The following GRM1 variants were observed in gnomAD, a reference collection of about 807,000 sequenced individuals.
GRM1 encodes the protein glutamate metabotropic receptor 1, also known as metabotropic glutamate receptor 1.
GRM1 carries 33 observed loss-of-function variants against 90.9 expected under a neutral mutation model. That is an observed-to-expected ratio of 0.36 (90% confidence interval 0.28 to 0.49). The LOEUF (loss-of-function observed/expected upper bound fraction) is 0.49. Among genes scored for constraint, GRM1 ranks in the 20% least tolerant of loss-of-function variants. The pLI is 0.99. For missense variants in GRM1, 1,190 were observed against 1,534.3 expected (o/e 0.78, Z 3.75); for synonymous variants, 700 against 613.2 (o/e 1.14, Z -2.09).
intron 7 of GRM1, among the ~76,000 whole-genome samples, chr6:146,415,801 G>A (rs1777761669): frequency 6.6e-6 from 1 of 152,124 alleles, no homozygotes; most frequent in South Asian, 2.1e-4. Context: ...TCTTAAGTTT[G>A]CTGAGAAATT....
intron 2 of GRM1, among the ~76,000 whole-genome samples, chr6:146,259,976 A>T (rs987386049): frequency 1.0e-4 from 15 of 145,832 alleles, no homozygotes; most frequent in South Asian, 6.5e-4. Flanking sequence ...ATATATATTT[A>T]TATATATATA....
rs562440523 is a variant in GRM1 at position 146,085,489 on chromosome 6, G to GTTC, written c.700+55273_700+55274insTCT. ...ATGACCAGCTGTTTTTAGATCACTCGTAAGTCTCTTTTCTTTAGGTGAATA... is the reference window on the plus strand; with the variant it reads ...ATGACCAGCTGTTTTTAGATCACTCGTTCTAAGTCTCTTTTCTTTAGGTGAATA... On this transcript the variant is annotated intron_variant, in intron 1 of 7. Coordinates refer to ENST00000282753, the MANE Select transcript of GRM1 (RefSeq NM_001278064.2). Among the ~76,000 whole-genome samples the GTTC allele has an allele frequency of 1.2e-4, 18 of 152,168 alleles. No homozygotes were observed. The South Asian group carries it at 3.3e-3, about 28-fold the overall frequency.
chr6:146,324,142 C>CT (rs1421259372), intron 3 of GRM1, among the ~76,000 whole-genome samples: 3 of 152,214 alleles, frequency 2.0e-5, no homozygotes, highest in Admixed American at 1.3e-4. Context: ...CTTTGCGGAG[C>CT]TGCGGTGGGC....
chr6:146,405,155 T>C (rs1408939043), intron 7 of GRM1, among the ~76,000 whole-genome samples: 4 of 152,190 alleles, frequency 2.6e-5, no homozygotes, highest in Non-Finnish European at 5.9e-5. Flanking sequence ...GAAAGTGCTA[T>C]AAAGTCATCC....
intron 1 of GRM1, among the ~76,000 whole-genome samples, chr6:146,075,504 G>A (rs1428989873): frequency 6.6e-6 from 1 of 152,212 alleles, no homozygotes; most frequent in East Asian, 1.9e-4. Context: ...GAGAACTGGA[G>A]TGGATTACAT....
chr6:146,180,175 T>C (rs944982853), intron 2 of GRM1, among the ~76,000 whole-genome samples: 3 of 132,248 alleles, frequency 2.3e-5, no homozygotes, highest in African/African-American at 7.5e-5. Context: ...AACAAAAAAC[T>C]CTTCTTAAAA....
intron 3 of GRM1, among the ~76,000 whole-genome samples, chr6:146,341,966 G>T (rs901303842): frequency 6.6e-6 from 1 of 152,168 alleles, no homozygotes; most frequent in Non-Finnish European, 1.5e-5. Flanking sequence ...AGAGTCTTAA[G>T]TTAACCTTTT....
intron 2 of GRM1, among the ~76,000 whole-genome samples, chr6:146,300,946 C>T (rs1386692346): frequency 6.6e-6 from 1 of 152,182 alleles, no homozygotes; most frequent in Admixed American, 6.5e-5. Flanking sequence ...TGCAACGAAA[C>T]AGCAAAAATC....
At chr6:146,070,364 C>G (rs78235360) in intron 1 of GRM1, among the ~76,000 whole-genome samples, 3 of 152,124 alleles carry the variant, frequency 2.0e-5, no homozygotes, top group Non-Finnish European at 4.4e-5. Flanking sequence ...ATACTTAGGA[C>G]AGTCTTATGG....
intron 2 of GRM1, among the ~76,000 whole-genome samples, chr6:146,192,091 C>A (rs1778951880): frequency 6.6e-6 from 1 of 152,160 alleles, no homozygotes; most frequent in South Asian, 2.1e-4. Context: ...TCAGTGTAAA[C>A]AAATTTTATT....
At chr6:146,403,734 T>C (rs1029691285) in intron 7 of GRM1, among the ~76,000 whole-genome samples, 5 of 152,138 alleles carry the variant, frequency 3.3e-5, no homozygotes, top group African/African-American at 1.2e-4. Context: ...TTTACAGATA[T>C]CATGGCCAAA....
intron 2 of GRM1, among the ~76,000 whole-genome samples, chr6:146,232,875 G>T (rs1780495714): frequency 6.6e-6 from 1 of 151,896 alleles, no homozygotes; most frequent in Admixed American, 6.6e-5. Flanking sequence ...CAAGGAATTT[G>T]TCTACTTCAT....
At chr6:146,364,267 G>A (rs773885460) in intron 5 of GRM1, among the ~76,000 whole-genome samples, 7 of 152,164 alleles carry the variant, frequency 4.6e-5, no homozygotes, top group Non-Finnish European at 8.8e-5. Flanking sequence ...CAGTGCATGT[G>A]CTTCAAAATT....
chr6:146,236,092 G>A (rs1251750828), intron 2 of GRM1, among the ~76,000 whole-genome samples: 1 of 152,114 alleles, frequency 6.6e-6, no homozygotes, highest in East Asian at 1.9e-4. Context: ...GTTTGGAGTT[G>A]GACAGAATAT....
rs569841372 is a variant in GRM1, at chr6:146,029,452, C to T, written c.-66C>T. On this transcript the variant is annotated 5_prime_UTR_variant, in exon 1 of 8. Transcript: ENST00000282753. ...CGCTGGGCGTCTTGGGGGTGCGCGC[C>T]GGGAGCCTGCAGCGGGACCAGCGTG... The T allele has an allele frequency of 3.3e-5, 43 of 1,304,772 alleles. No homozygotes were observed. The highest frequency in any genetic ancestry group is 4.7e-5 in the South Asian group (4 of 84,664). The allele number at this position is 1,304,772 out of a possible 1,614,324, so 80.8% of individuals were successfully genotyped here.
chr6:146,380,376 C>T (rs1343578795), intron 5 of GRM1, among the ~76,000 whole-genome samples: 2 of 135,408 alleles, frequency 1.5e-5, no homozygotes, highest in Non-Finnish European at 3.2e-5. Flanking sequence ...TCAGAGAGCC[C>T]TTTGGCATCT....
chr6:146,429,195 C>T (rs1333739860), intron 7 of GRM1, among the ~76,000 whole-genome samples: 1 of 152,104 alleles, frequency 6.6e-6, no homozygotes, highest in Admixed American at 6.5e-5. Context: ...GGGGAAAAGG[C>T]TAAGATTCAC....
At chr6:146,052,536 G>A (rs181290269) in intron 1 of GRM1, among the ~76,000 whole-genome samples, 316 of 152,016 alleles carry the variant, frequency 2.1e-3, no homozygotes, top group Non-Finnish European at 2.3e-3. Flanking sequence ...TATAGGGTGA[G>A]TCTGCCTAGT....
intron 2 of GRM1, among the ~76,000 whole-genome samples, chr6:146,209,124 A>G (rs1458795815): frequency 1.3e-5 from 2 of 152,284 alleles, no homozygotes; most frequent in South Asian, 2.1e-4. Context: ...TCATTTATCT[A>G]AGAGTATGAA....
Sources: allele counts gnomAD v4.1 joint callset (sites outside exome capture counted in the v4.1 genomes callset), GRCh38; gene constraint gnomAD v4.1.1; transcripts MANE v1.5; gene names NCBI Gene and HGNC (gene_info 2026-07-23, HGNC 2026-07-21).